OTUD7B: variants seen among roughly 807,000 people sequenced by gnomAD.
The protein encoded by OTUD7B is OTU domain-containing protein 7B.
In OTUD7B, 34 loss-of-function variants were observed where a neutral mutation model predicts 82.2. The observed-to-expected ratio is 0.41, with a 90% CI of 0.31 to 0.55. The LOEUF (loss-of-function observed/expected upper bound fraction) is 0.55, where lower values mean the gene tolerates loss of function less well. OTUD7B is among the 20% of genes least tolerant of loss of function. The pLI is 0.20. For synonymous variants in OTUD7B, 398 were observed against 402.7 expected, an observed-to-expected ratio of 0.99 and a Z score of 0.14; for missense variants, 944 against 1,062.1, an observed-to-expected ratio of 0.89 and a Z score of 1.55.
intron 1 of OTUD7B, among the ~76,000 whole-genome samples, 189 bp downstream of exon 1, chr1:150,010,259 A>C (rs1652951669): frequency 6.6e-6 from 1 of 152,026 alleles, no homozygotes. Context: ...AGGGAGGAGG[A>C]AAGATCGGGA....
chr1:149,952,549 C>T (rs587671458), intron 7 of OTUD7B, among the ~76,000 whole-genome samples: 41 of 152,248 alleles, frequency 2.7e-4, no homozygotes, highest in African/African-American at 9.6e-4. Flanking sequence ...ATTTATAATC[C>T]TTTGGGTATA....
rs1051157303 is a variant in OTUD7B at position 149,943,535 on chromosome 1, C to T, written c.*322G>A. On this transcript the variant is annotated 3_prime_UTR_variant, in exon 12 of 12. Transcript: ENST00000581312. ...CCACCTCCCACCCCCACACACCAAACCTTCCCCTGCTACTTTCTCTTAGGT... is the reference window on the plus strand; with the variant it reads ...CCACCTCCCACCCCCACACACCAAATCTTCCCCTGCTACTTTCTCTTAGGT... The T allele has an allele frequency of 2.9e-5, 7 of 237,678 alleles. No individual in the cohort carries two copies. Among genetic ancestry groups the T allele is most frequent in the Non-Finnish European group, 4.9e-5 (6 of 121,720 alleles). The allele number at this position is 237,678 out of a possible 1,614,324, so 14.7% of individuals were successfully genotyped here.
intron 1 of OTUD7B, among the ~76,000 whole-genome samples, chr1:149,989,422 G>A (rs1400017874): frequency 2.2e-5 from 3 of 136,796 alleles, no homozygotes; most frequent in East Asian, 2.2e-4. Context: ...GCACTGAGCC[G>A]AAATCGTGCC....
the OTUD7B span, among the ~76,000 whole-genome samples, chr1:150,045,025 C>T: frequency 6.6e-6 from 1 of 151,586 alleles, no homozygotes; most frequent in Non-Finnish European, 1.5e-5. Context: ...AGTAATAATA[C>T]CAATAATTAT....
intron 2 of OTUD7B, among the ~76,000 whole-genome samples, chr1:149,975,915 G>C (rs1650274912): frequency 1.3e-5 from 2 of 152,054 alleles, no homozygotes; most frequent in Non-Finnish European, 2.9e-5. Flanking sequence ...CAGCTACTGG[G>C]GAGGCTGAGG....
Position 150,000,052 on chromosome 1 carries a change from T to G in OTUD7B, c.-67+10396A>C, listed in dbSNP as rs1652172874. ...TTAATATAAAAGGCTTATAAAGAATTCTAAGCCAGTTGTGGGAAAGATTAT... is the reference window on the plus strand; with the variant it reads ...TTAATATAAAAGGCTTATAAAGAATGCTAAGCCAGTTGTGGGAAAGATTAT... On this transcript the variant is annotated intron_variant, in intron 1 of 11. Transcript: ENST00000581312. Among the ~76,000 whole-genome samples the G allele has an allele frequency of 2.0e-5, 3 of 152,192 alleles. No individual in the cohort carries two copies. The South Asian group carries it at 6.2e-4, about 31-fold the overall frequency.
the OTUD7B span, among the ~76,000 whole-genome samples, chr1:150,030,026 ATCAG>A: frequency 1.3e-5 from 2 of 152,186 alleles, no homozygotes; most frequent in Non-Finnish European, 2.9e-5. Flanking sequence ...CTAATGTTGG[ATCAG>A]TCAAACTGAT....
chr1:150,022,394 T>TCAAAA, the OTUD7B span, among the ~76,000 whole-genome samples: 4 of 116,860 alleles, frequency 3.4e-5, 2 homozygotes, highest in African/African-American at 1.3e-4. Flanking sequence ...CGAAACTCTC[T>TCAAAA]ACAAAAAAAA....
the OTUD7B span, among the ~76,000 whole-genome samples, chr1:150,025,932 C>T: frequency 6.6e-6 from 1 of 152,178 alleles, no homozygotes; most frequent in Non-Finnish European, 1.5e-5. Flanking sequence ...CTCTGATAGT[C>T]TGTTTGTCAG....
upstream of OTUD7B, among the ~76,000 whole-genome samples, chr1:150,014,070 G>A (rs1180887456): frequency 2.8e-4 from 8 of 28,730 alleles, no homozygotes; most frequent in African/African-American, 1.0e-3. Context: ...GTGTGTGTGT[G>A]TGTGTGTGTG....
At chr1:149,954,263 T>C (rs946539890) in intron 7 of OTUD7B, among the ~76,000 whole-genome samples, 1 of 152,242 alleles carries the variant, frequency 6.6e-6, no homozygotes, top group Non-Finnish European at 1.5e-5. Flanking sequence ...TGAAGGGCTG[T>C]TGAATTTTGT....
At chr1:150,055,477 A>G in the OTUD7B span, among the ~76,000 whole-genome samples, 9 of 152,318 alleles carry the variant, frequency 5.9e-5, no homozygotes, top group African/African-American at 2.2e-4. Flanking sequence ...CATTGTGGAA[A>G]GCAGTATGGT....
chr1:149,953,564 G>GT (rs1553773995), intron 7 of OTUD7B, among the ~76,000 whole-genome samples: 2 of 152,174 alleles, frequency 1.3e-5, no homozygotes, highest in Admixed American at 6.5e-5. Flanking sequence ...CTTTAAAGTA[G>GT]TTTTTTCCAA....
At position 149,991,645 on chromosome 1, in the gene OTUD7B, G is replaced by A. The variant is rs1553782106; in HGVS notation, c.-66-14069C>T. Among the ~76,000 whole-genome samples, 5 of 152,244 alleles carry A rather than the reference G, an allele frequency of 3.3e-5. No individual in the cohort carries two copies. In the South Asian group the frequency reaches 8.3e-4, roughly 25 times the overall value. ...CAGATGACAACACACAGAACCAGGA[G>A]AGTGAGATTAAGTGACTTGTCCAAA... On this transcript the variant is annotated intron_variant, in intron 1 of 11. Coordinates refer to ENST00000581312, the MANE Select transcript of OTUD7B (RefSeq NM_020205.4).
Position 149,947,346 on chromosome 1 carries a change from G to A in OTUD7B, c.1239-11C>T. The A allele has an allele frequency of 6.5e-7, 1 of 1,532,164 alleles. No individual in the cohort carries two copies. Among genetic ancestry groups the A allele is most frequent in the Non-Finnish European group, 9.0e-7 (1 of 1,106,622 alleles). The allele number at this position is 1,532,164 out of a possible 1,614,324, so 94.9% of individuals were successfully genotyped here. On this transcript the variant is annotated splice_polypyrimidine_tract_variant and intron_variant, in intron 10 of 11. Transcript: ENST00000581312. ...AGGGACAGAATTACACTATGAAAAA[G>A]AGAAAAAACAAATTACTGTCACCTT...
At chr1:149,962,599 C>T (rs782245532) in intron 6 of OTUD7B, 2 of 152,154 alleles carry the variant, frequency 1.3e-5, no homozygotes, top group African/African-American at 2.4e-5. Context: ...AAGGATAGAA[C>T]GTGGGTATTT....
chr1:149,977,885 C>T (rs1204391206), intron 1 of OTUD7B, among the ~76,000 whole-genome samples: 1 of 152,224 alleles, frequency 6.6e-6, no homozygotes, highest in African/African-American at 2.4e-5. Flanking sequence ...AAGCAACAGG[C>T]TACCACCCTA....
intron 1 of OTUD7B, among the ~76,000 whole-genome samples, chr1:150,001,275 T>C (rs16833015): frequency 0.022 from 3,346 of 152,316 alleles, 118 homozygotes; most frequent in African/African-American, 0.076. Flanking sequence ...TATCTCATTA[T>C]GCAAAATTGT....
At chr1:150,045,292 C>T in the OTUD7B span, among the ~76,000 whole-genome samples, 2 of 151,564 alleles carry the variant, frequency 1.3e-5, no homozygotes, top group Non-Finnish European at 2.9e-5. Context: ...TAGGGTTTCA[C>T]CATGTTGGCC....
Sources: allele counts gnomAD v4.1 joint callset (sites outside exome capture counted in the v4.1 genomes callset), GRCh38; gene constraint gnomAD v4.1.1; transcripts MANE v1.5; gene names NCBI Gene and HGNC (gene_info 2026-07-23, HGNC 2026-07-21).